Variants in BRDT observed in about 807,000 individuals in gnomAD.
The protein encoded by BRDT is bromodomain testis-specific protein.
Under a neutral mutation model 113.9 loss-of-function variants are expected in BRDT, and 77 were observed. The observed-to-expected ratio is 0.68, with a 90% confidence interval of 0.56 to 0.82. The LOEUF is 0.82. Among genes scored for constraint, BRDT ranks in the 40% least tolerant of loss-of-function variants. The probability of loss-of-function intolerance (pLI) is 0.00; values close to 1 mark genes in which losing one functional copy is unlikely to be tolerated. For missense variants in BRDT, 1,027 were observed against 1,105.4 expected (o/e 0.93, Z 1.01); for synonymous variants, 358 against 366.5 (o/e 0.98, Z 0.26).
At chr1:91,976,078 A>T (rs1684111178) in intron 4 of BRDT, among the ~76,000 whole-genome samples, 188 bp from the exon 5 acceptor site, 1 of 152,212 alleles carries the variant, frequency 6.6e-6, no homozygotes, top group African/African-American at 2.4e-5. Context: ...ACAAATGTTG[A>T]AGTCTCCATT....
At chr1:91,979,128 T>C (rs1278550953) in intron 7 of BRDT, among the ~76,000 whole-genome samples, 2 of 151,202 alleles carry the variant, frequency 1.3e-5, no homozygotes, top group African/African-American at 4.9e-5. Flanking sequence ...TTTTTTTTTT[T>C]TTGAGATGGA....
rs2101651324 is a variant in BRDT, at chr1:91,977,170, T to C, written c.746T>C (p.Met249Thr). 9 of 1,614,068 alleles carry C rather than the reference T, an allele frequency of 5.6e-6. No individual in the cohort carries two copies. Among genetic ancestry groups the C allele is most frequent in the Non-Finnish European group, 6.8e-6 (8 of 1,179,980 alleles). Residue 249 changes from methionine to threonine, a missense_variant, in exon 6 of 19, where the codon ATG (methionine) becomes ACG (threonine). By Grantham distance (81) the Met-to-Thr change is moderately conservative (BLOSUM62 -1). Coordinates refer to ENST00000399546, the MANE Select transcript of BRDT (RefSeq NM_207189.4). ...SVALPPIKEN[M>T]PKNVLPDSQQ... ...GCACTGCCACCTATAAAAGAAAATATGCCAAAGAATGTTTTGCCAGATTCT... is the reference window on the plus strand; with the variant it reads ...GCACTGCCACCTATAAAAGAAAATACGCCAAAGAATGTTTTGCCAGATTCT...
intron 1 of BRDT, chr1:91,950,755 G>A (rs1313821379): frequency 1.5e-5 from 2 of 135,562 alleles, no homozygotes; most frequent in East Asian, 2.2e-4. Context: ...GATCGCCTGA[G>A]TCGCTCACGC....
At chr1:91,973,268 CT>C (rs1334744063) in intron 4 of BRDT, among the ~76,000 whole-genome samples, 1 of 152,098 alleles carries the variant, frequency 6.6e-6, no homozygotes, top group African/African-American at 2.4e-5. Flanking sequence ...AATGCGGGCT[CT>C]TTTTTAGTTC....
At position 91,962,943 on chromosome 1, in the gene BRDT, G is replaced by A. The variant is rs764562513; in HGVS notation, c.189G>A (p.Leu63=). 2.5e-6 allele frequency: 4 copies of A among 1,582,942 alleles called. No homozygotes were observed. The highest frequency in any genetic ancestry group is 3.8e-5 in the Admixed American group (2 of 52,776). Residue 63 remains leucine, a synonymous_variant, in exon 2 of 19, where the codon TTG becomes TTA. Coordinates refer to ENST00000399546, the MANE Select transcript of BRDT (RefSeq NM_207189.4). ...QRPVDAVKLQ[L]PDYYTIIKNP... is the part of the protein sequence containing the mutation. ...CTGTGGATGCTGTGAAACTACAGTT[G>A]CCTGTATGTATGTCTTCAACTATGT...
At chr1:91,994,867 CAAAAAAAAAAAA>C (rs11330809) in intron 15 of BRDT, among the ~76,000 whole-genome samples, 3 of 65,498 alleles carry the variant, frequency 4.6e-5, no homozygotes, top group African/African-American at 1.3e-4. Context: ...GACTCCGTCT[CAAAAAAAAAAAA>C]AAAAAAAAAA....
chr1:91,999,807 CTT>C (rs1426153783), intron 15 of BRDT, among the ~76,000 whole-genome samples: 2 of 152,208 alleles, frequency 1.3e-5, no homozygotes, highest in Non-Finnish European at 2.9e-5. Flanking sequence ...TACTAAATGT[CTT>C]TACTTAAACA....
intron 18 of BRDT, among the ~76,000 whole-genome samples, chr1:92,008,208 G>A (rs555239302): frequency 3.6e-4 from 55 of 152,252 alleles, no homozygotes; most frequent in African/African-American, 1.1e-3. Flanking sequence ...ATGAGCCACC[G>A]TGCCTGGCCC....
intron 18 of BRDT, among the ~76,000 whole-genome samples, chr1:92,007,214 G>A (rs75071996): frequency 0.069 from 10,390 of 150,788 alleles, 414 homozygotes; most frequent in African/African-American, 0.098. Context: ...TTTTCTGCCC[G>A]TTTTTGTATT....
intron 16 of BRDT, 43 bp from the exon 17 acceptor site, chr1:92,004,371 G>T (rs1307448962): frequency 4.9e-6 from 7 of 1,439,536 alleles, no homozygotes; most frequent in African/African-American, 1.4e-5. Context: ...CCAAAATTTG[G>T]TTAACATCTG....
intron 1 of BRDT, among the ~76,000 whole-genome samples, chr1:91,960,627 CAT>C (rs1286552205): frequency 6.6e-6 from 1 of 152,130 alleles, no homozygotes; most frequent in African/African-American, 2.4e-5. Flanking sequence ...TCACAAAAAA[CAT>C]GAATATACTT....
chr1:92,010,170 A>G (rs2101834526), intron 18 of BRDT, among the ~76,000 whole-genome samples: 1 of 151,566 alleles, frequency 6.6e-6, no homozygotes, highest in Non-Finnish European at 1.5e-5. Context: ...GCCATTATTT[A>G]TTCAAATAAT....
chr1:91,962,403 G>A (rs1305237616), intron 1 of BRDT, among the ~76,000 whole-genome samples: 3 of 151,400 alleles, frequency 2.0e-5, no homozygotes, highest in Non-Finnish European at 4.4e-5. Context: ...GCACGATCTT[G>A]GCTCACTGTA....
In BRDT at chr1:91,979,558, TTTCATTACAGGATGTTTTC is replaced by T. The variant is rs1356889064; in HGVS notation, c.1099-10_1107del. 3.1e-6 allele frequency: 5 copies of T among 1,599,810 alleles called. No individual in the cohort carries two copies. Among genetic ancestry groups the T allele is most frequent in the Non-Finnish European group, 3.4e-6 (4 of 1,176,788 alleles). ...TACAGAAAACCATAACAAACTAATT[TTTCATTACAGGATGTTTTC>T]GAAACGCATTTTTCAAAGATCCCGA... On this transcript the variant is annotated splice_acceptor_variant and splice_polypyrimidine_tract_variant and coding_sequence_variant and intron_variant, in exon 8 of 19. Transcript: ENST00000399546. LOFTEE classifies it high-confidence loss of function.
rs111454688 is a variant in BRDT at position 92,011,592 on chromosome 1, G to A, written c.2776-2614G>A. Among the ~76,000 whole-genome samples, 1,392 of 152,102 alleles carry A rather than the reference G, an allele frequency of 9.2e-3. 20 individuals carry two copies. The highest frequency in any genetic ancestry group is 0.023 in the African/African-American group (952 of 41,486). On this transcript the variant is annotated intron_variant, in intron 18 of 18. Coordinates refer to ENST00000399546, the MANE Select transcript of BRDT (RefSeq NM_207189.4). ...AAATGTTTCCTGTTGGCACTCACAC[G>A]GGCCTGACTTAAGTCACCCCCAAGT...
At chr1:91,971,428 C>T (rs911136897) in intron 4 of BRDT, among the ~76,000 whole-genome samples, 4 of 152,146 alleles carry the variant, frequency 2.6e-5, no homozygotes, top group Non-Finnish European at 4.4e-5. Context: ...AGACTTCTGA[C>T]AGAAGCATTC....
chr1:91,977,398 A>G lies in BRDT; in HGVS notation c.969+5A>G. 1.3e-5 allele frequency: 19 copies of G among 1,512,568 alleles called. No homozygotes were observed. The highest frequency in any genetic ancestry group is 1.7e-5 in the Non-Finnish European group (19 of 1,128,460). The allele number at this position is 1,512,568 out of a possible 1,614,324, so 93.7% of individuals were successfully genotyped here. A position where few individuals can be genotyped will look rare whatever the true frequency, so the allele number is the denominator to read the frequency against. Reference sequence around the variant, plus strand: ...ATGGATCTTGGAACTATTAAGGTAAATGTTGCCTTAAAAGGAAGAACTTCT... The same window carrying G: ...ATGGATCTTGGAACTATTAAGGTAAGTGTTGCCTTAAAAGGAAGAACTTCT... On this transcript the variant is annotated splice_donor_5th_base_variant and intron_variant, in intron 6 of 18. Transcript: ENST00000399546.
At chr1:91,956,825 C>A (rs1273907514) in intron 1 of BRDT, among the ~76,000 whole-genome samples, 1 of 152,104 alleles carries the variant, frequency 6.6e-6, no homozygotes, top group East Asian at 1.9e-4. Flanking sequence ...TACCTGTAGT[C>A]CTACTCAGGA....
intron 16 of BRDT, among the ~76,000 whole-genome samples, chr1:92,003,219 C>T (rs1350846809): frequency 1.3e-5 from 2 of 152,156 alleles, no homozygotes; most frequent in East Asian, 3.8e-4. Flanking sequence ...CCTTTTATTA[C>T]TTCAGGATAG....
Sources: gnomAD v4.1 joint callset for allele counts (sites outside exome capture counted in the v4.1 genomes callset) on GRCh38, gnomAD v4.1.1 for gene constraint, MANE v1.5 for transcripts, NCBI Gene and HGNC (gene_info 2026-07-23, HGNC 2026-07-21) for gene names.